The following CD36 variants were observed in gnomAD, a reference collection of about 807,000 sequenced individuals.
CD36 encodes CD36 molecule (CD36 blood group), also known as platelet glycoprotein 4.
A neutral mutation model predicts 55.2 loss-of-function variants in CD36; 119 were observed. That is an observed-to-expected ratio of 2.15 (90% confidence interval 1.86 to 2.51). The LOEUF is 2.51. CD36 is among the 30% of genes most tolerant of loss of function. CD36 has a pLI of 0.00. For synonymous variants in CD36, 186 were observed against 193.6 expected (o/e 0.96, Z 0.33); for missense variants, 819 against 555.5 (o/e 1.47, Z -4.77).
At chr7:80,635,662 G>A (rs534689824), upstream of CD36, among the ~76,000 whole-genome samples, 1 of 152,010 alleles carries the variant, frequency 6.6e-6, no homozygotes, top group Non-Finnish European at 1.5e-5. Context: ...ATTCTGTGAG[G>A]GAGATATTTC....
Position 80,670,124 on chromosome 7 carries a change from T to C in CD36, c.818+102T>C, listed in dbSNP as rs919887763. On this transcript the variant is annotated intron_variant, in intron 9 of 14. Coordinates refer to ENST00000447544, the MANE Select transcript of CD36 (RefSeq NM_001001548.3). The stretch of plus-strand genomic sequence containing the variant: ...CAGCATAGGAAATTCATCATGTTTA[T>C]TAACTAACTCTTTGCAAAATGTTCT... The C allele has an allele frequency of 1.9e-5, 15 of 798,804 alleles. No individual in the cohort carries two copies. The South Asian group carries it at 1.9e-4, about 10-fold the overall frequency. The allele number at this position is 798,804 out of a possible 1,614,324, so 49.5% of individuals were successfully genotyped here.
rs1257739942 is a variant in CD36, at chr7:80,664,350, T to C, written c.610-56T>C. ...AAATGTGAAAGTGAGTTATGTATTG[T>C]ACAACTTTGAAAAAATGACTTGTAG... On this transcript the variant is annotated intron_variant, in intron 6 of 14. Transcript: ENST00000447544. 4 of 917,956 alleles carry C rather than the reference T, an allele frequency of 4.4e-6. No homozygotes were observed. The East Asian group carries it at 7.2e-5, about 17-fold the overall frequency. The allele number at this position is 917,956 out of a possible 1,614,324, so 56.9% of individuals were successfully genotyped here. A position where few individuals can be genotyped will look rare whatever the true frequency, so the allele number is the denominator to read the frequency against.
At chr7:80,656,250 T>A (rs917104258) in intron 3 of CD36, among the ~76,000 whole-genome samples, 2 of 152,188 alleles carry the variant, frequency 1.3e-5, no homozygotes, top group East Asian at 3.9e-4. Context: ...TTTCAAAGCG[T>A]CACTCTAAAG....
chr7:80,663,109 G>T lies in CD36; in HGVS notation c.549G>T (p.Arg183Ser). The change falls in exon 6 of 15, where the codon AGG (arginine) becomes AGT (serine). Residue 183 changes from arginine (R) to serine (S), a missense_variant. By Grantham distance (110) the Arg-to-Ser change is moderately radical (BLOSUM62 -1). Transcript: ENST00000447544. ...RTLRELLWGY[R>S]DPFLSLVPYP... ...TGAGAGAACTGTTATGGGGCTATAG[G>T]GATCCATTTTTGAGTTTGGTTCCGT... 6 of 1,613,648 alleles carry T rather than the reference G, an allele frequency of 3.7e-6. No homozygotes were observed. The highest frequency in any genetic ancestry group is 5.1e-6 in the Non-Finnish European group (6 of 1,179,776).
rs891522309 is a variant in CD36 at position 80,678,054 on chromosome 7, T to A, written c.*1671T>A. On this transcript the variant is annotated 3_prime_UTR_variant, in exon 15 of 15. Coordinates refer to ENST00000447544, the MANE Select transcript of CD36 (RefSeq NM_001001548.3). Reference sequence around the variant, plus strand: ...GAAAAATAATTACTTAAGGGGAGATTTTTTTTACATGAAATCTGGGCTTTG... The same window carrying A: ...GAAAAATAATTACTTAAGGGGAGATATTTTTTACATGAAATCTGGGCTTTG... 2.7e-5 allele frequency: 4 copies of A among 150,388 alleles called. No individual in the cohort carries two copies. The highest frequency in any genetic ancestry group is 2.0e-4 in the Admixed American group (3 of 14,920). The allele number at this position is 150,388 out of a possible 1,614,324, so 9.3% of individuals were successfully genotyped here.
intron 6 of CD36, among the ~76,000 whole-genome samples, 188 bp from the exon 7 acceptor site, chr7:80,664,218 A>G (rs555503651): frequency 6.6e-6 from 1 of 152,260 alleles, no homozygotes; most frequent in South Asian, 2.1e-4. Context: ...TCTTTGTCAC[A>G]GCATCTAGCA....
intron 12 of CD36, 169 bp downstream of exon 12, chr7:80,673,012 T>C (rs1797867264): frequency 3.2e-6 from 2 of 627,882 alleles, no homozygotes; most frequent in East Asian, 2.8e-5. Flanking sequence ...ATTTCACAGA[T>C]TTTGGAATGG....
chr7:80,647,773 T>C (rs1343989037), intron 3 of CD36, among the ~76,000 whole-genome samples: 1 of 152,194 alleles, frequency 6.6e-6, no homozygotes, highest in Non-Finnish European at 1.5e-5. Flanking sequence ...ACTGTGTGTT[T>C]ACTGCCTGAA....
In CD36 at chr7:80,671,984, AT is replaced by A. The variant is rs755487630; in HGVS notation, c.1071del (p.Ile357MetfsTer4). 6.2e-6 allele frequency: 10 copies of A among 1,608,780 alleles called. No individual in the cohort carries two copies. In the African/African-American group the frequency reaches 1.1e-4, roughly 17 times the overall value. ...LYASPDVSEP[I>X]DGLNPNEEEH... ...TGCAAGTCCTGATGTTTCAGAACCT[AT>A]TGATGGATTAAACCCAAATGAAGAA... On this transcript the variant is annotated frameshift_variant, in exon 11 of 15. Coordinates refer to ENST00000447544, the MANE Select transcript of CD36 (RefSeq NM_001001548.3). LOFTEE classifies it high-confidence loss of function.
At chr7:80,666,559 G>T in intron 8 of CD36, 70 bp downstream of exon 8, 3 of 1,164,436 alleles carry the variant, frequency 2.6e-6, no homozygotes, top group South Asian at 1.2e-5. Flanking sequence ...CCGTTGTACT[G>T]ACAGTGTTCT....
chr7:80,604,373 T>TTTTTTTTTTTTTTTTTTTTTTTTA (rs1792421562), intron 1 of CD36, among the ~76,000 whole-genome samples: 1 of 117,118 alleles, frequency 8.5e-6, no homozygotes, highest in Non-Finnish European at 1.7e-5. Context: ...TTTTTTTTTT[T>TTTTTTTTTTTTTTTTTTTTTTTTA]TTTTTTTTTT....
chr7:80,673,955 A>G (rs1183736738), intron 13 of CD36, 28 bp from the exon 14 acceptor site: 2 of 1,591,990 alleles, frequency 1.3e-6, no homozygotes, highest in Admixed American at 3.3e-5. Flanking sequence ...ACGTACCCAA[A>G]TAATGTTGAT....
At chr7:80,660,571 A>T (rs921219412) in intron 4 of CD36, among the ~76,000 whole-genome samples, 1 of 152,108 alleles carries the variant, frequency 6.6e-6, no homozygotes, top group African/African-American at 2.4e-5. Context: ...TACTTGTTTC[A>T]ATAACTTTAT....
At chr7:80,672,980 C>A in intron 12 of CD36, 137 bp downstream of exon 12, 1 of 694,416 alleles carries the variant, frequency 1.4e-6, no homozygotes, top group South Asian at 1.6e-5. Context: ...TGTCACCAAT[C>A]ATTATTAAAT....
rs5885184 is a variant in CD36 at position 80,617,727 on chromosome 7, CAAAA to C, written c.-184+15364_-184+15367del. On this transcript the variant is annotated intron_variant, in intron 1 of 13. Coordinates refer to the CD36 transcript ENST00000309881. ...GAACGACAGAGCGAGACTGTGTCTC[CAAAA>C]AAAAAAAAAAAAAAATTGTTGTGAG... Among the ~76,000 whole-genome samples, 514 of 122,754 alleles carry C rather than the reference CAAAA, an allele frequency of 4.2e-3. 3 individuals carry two copies. Among genetic ancestry groups the C allele is most frequent in the African/African-American group, 0.015 (489 of 32,486 alleles). The allele number at this position is 122,754 out of a possible 152,430, so 80.5% of individuals were successfully genotyped here. A position where few individuals can be genotyped will look rare whatever the true frequency, so the allele number is the denominator to read the frequency against.
chr7:80,606,446 C>T (rs898339640), intron 1 of CD36, among the ~76,000 whole-genome samples: 14 of 152,116 alleles, frequency 9.2e-5, no homozygotes, highest in African/African-American at 1.7e-4. Context: ...ATTTACAAGA[C>T]GCTAAATATA....
intron 8 of CD36, among the ~76,000 whole-genome samples, chr7:80,668,205 T>C (rs559243553): frequency 6.6e-6 from 1 of 152,310 alleles, no homozygotes; most frequent in Non-Finnish European, 1.5e-5. Context: ...ATATACTGTG[T>C]TAATCCTAGT....
chr7:80,671,033 G>A lies in CD36; in HGVS notation c.875G>A (p.Arg292Lys). 1 of 1,613,190 alleles carries A rather than the reference G, an allele frequency of 6.2e-7. No individual in the cohort carries two copies. The highest frequency in any genetic ancestry group is 8.5e-7 in the Non-Finnish European group (1 of 1,179,288). ...AATCTGAAAGGAATCCCTGTGTATA[G>A]ATTTGTTCTTCCATCCAAGGCCTTT... ...DVNLKGIPVYRFVLPSKAFAS... is the reference protein window; with the variant it reads ...DVNLKGIPVYKFVLPSKAFAS... The change falls in exon 10 of 15, where the codon AGA becomes AAA. Residue 292 changes from arginine to lysine, a missense_variant. Coordinates refer to ENST00000447544, the MANE Select transcript of CD36 (RefSeq NM_001001548.3).
chr7:80,645,986 TC>T (rs1202705540), intron 1 of CD36, 101 bp from the exon 2 acceptor site: 1 of 152,238 alleles, frequency 6.6e-6, no homozygotes, highest in African/African-American at 2.4e-5. Context: ...AATTAGACTT[TC>T]TTTTAACAGT....
Sources: allele counts gnomAD v4.1 joint callset (sites outside exome capture counted in the v4.1 genomes callset), GRCh38; gene constraint gnomAD v4.1.1; transcripts MANE v1.5; gene names NCBI Gene and HGNC (gene_info 2026-07-23, HGNC 2026-07-21).